The following NRG3 variants were observed in gnomAD, a reference collection of about 807,000 sequenced individuals.
NRG3 encodes the protein neuregulin 3, also known as pro-neuregulin-3, membrane-bound isoform.
NRG3 carries 31 observed loss-of-function variants against 66.9 expected under a neutral mutation model. That is an observed-to-expected ratio of 0.46 (90% confidence interval 0.35 to 0.63). The LOEUF is 0.63. NRG3 is among the 20% of genes least tolerant of loss of function. The pLI, the probability that NRG3 is intolerant of heterozygous loss-of-function variation, is 0.00. For synonymous variants in NRG3, 393 were observed against 359.4 expected (o/e 1.09, Z -1.06); for missense variants, 910 against 878.9 (o/e 1.04, Z -0.45).
intron 3 of NRG3, among the ~76,000 whole-genome samples, chr10:82,783,442 G>A (rs1334221659): frequency 6.6e-6 from 1 of 151,732 alleles, no homozygotes; most frequent in East Asian, 1.9e-4. Context: ...TGACATGATT[G>A]TATATCTAGA....
At chr10:82,640,063 C>T (rs2050462077) in intron 2 of NRG3, among the ~76,000 whole-genome samples, 1 of 152,110 alleles carries the variant, frequency 6.6e-6, no homozygotes, top group Non-Finnish European at 1.5e-5. Flanking sequence ...GGGATAATGG[C>T]CTCCAGTTCC....
chr10:81,897,518 C>T (rs557901534), intron 1 of NRG3, among the ~76,000 whole-genome samples: 1 of 151,742 alleles, frequency 6.6e-6, no homozygotes, highest in East Asian at 2.0e-4. Context: ...AATCAAGACT[C>T]CCTCCTAGGT....
intron 1 of NRG3, among the ~76,000 whole-genome samples, chr10:82,179,363 G>C (rs899457700): frequency 6.6e-6 from 1 of 151,936 alleles, no homozygotes; most frequent in African/African-American, 2.4e-5. Context: ...GTTTATTTTA[G>C]GAGTTTTACA....
chr10:82,617,351 C>T (rs996413434), intron 2 of NRG3, among the ~76,000 whole-genome samples: 1 of 151,760 alleles, frequency 6.6e-6, no homozygotes, highest in African/African-American at 2.4e-5. Context: ...CACACACACA[C>T]ACACCACACA....
At chr10:81,967,791 T>C (rs958150117) in intron 1 of NRG3, among the ~76,000 whole-genome samples, 61 of 152,200 alleles carry the variant, frequency 4.0e-4, no homozygotes, top group Admixed American at 3.9e-3. Context: ...CTTCATTTCC[T>C]ATTCTTTCTA....
intron 2 of NRG3, among the ~76,000 whole-genome samples, chr10:82,620,377 C>T (rs1484529782): frequency 6.6e-6 from 1 of 152,092 alleles, no homozygotes; most frequent in Admixed American, 6.5e-5. Context: ...TAATTTTATT[C>T]AGCGAAGGAA....
At chr10:82,883,946 T>G (rs1337164776) in intron 4 of NRG3, among the ~76,000 whole-genome samples, 9 of 151,994 alleles carry the variant, frequency 5.9e-5, no homozygotes, top group Non-Finnish European at 1.3e-4. Flanking sequence ...GCTATAGTTT[T>G]TTTTTTTTTC....
intron 1 of NRG3, among the ~76,000 whole-genome samples, chr10:81,943,829 A>AT (rs949564895): frequency 1.3e-5 from 2 of 152,056 alleles, no homozygotes; most frequent in African/African-American, 4.8e-5. Context: ...TCCACTGATG[A>AT]TTTTTTTCTT....
chr10:82,137,883 A>G (rs949742442), intron 1 of NRG3, among the ~76,000 whole-genome samples: 3 of 152,180 alleles, frequency 2.0e-5, no homozygotes, highest in African/African-American at 7.2e-5. Flanking sequence ...CTGAATGCTA[A>G]CATGCCCTTA....
chr10:82,221,193 AT>A (rs765844798), intron 1 of NRG3, among the ~76,000 whole-genome samples: 1 of 150,342 alleles, frequency 6.7e-6, no homozygotes, highest in Non-Finnish European at 1.5e-5. Context: ...GGAACTGAGG[AT>A]TTTTTTCTAG....
intron 1 of NRG3, among the ~76,000 whole-genome samples, chr10:82,026,703 G>T (rs562747127): frequency 2.6e-5 from 4 of 151,966 alleles, no homozygotes; most frequent in African/African-American, 4.8e-5. Context: ...TTGTTTGTTT[G>T]TCTGAAGGTT....
At chr10:82,941,919 C>A (rs962256010) in intron 4 of NRG3, among the ~76,000 whole-genome samples, 53 of 152,100 alleles carry the variant, frequency 3.5e-4, no homozygotes, top group African/African-American at 1.3e-3. Context: ...AGTGGCAACA[C>A]ATAGGATCTG....
intron 2 of NRG3, among the ~76,000 whole-genome samples, chr10:82,508,681 C>T (rs1481757431): frequency 2.0e-5 from 3 of 152,200 alleles, no homozygotes; most frequent in African/African-American, 7.2e-5. Context: ...GAATTCAAAG[C>T]ATAGACTTTA....
chr10:82,446,258 G>T (rs539715469), intron 2 of NRG3, among the ~76,000 whole-genome samples: 2 of 152,120 alleles, frequency 1.3e-5, no homozygotes, highest in Non-Finnish European at 2.9e-5. Context: ...TTAAACTCAC[G>T]CAGTATTGGC....
At chr10:82,385,782 G>A (rs1262561610) in intron 2 of NRG3, among the ~76,000 whole-genome samples, 1 of 152,100 alleles carries the variant, frequency 6.6e-6, no homozygotes, top group Non-Finnish European at 1.5e-5. Context: ...TTTATAAAAT[G>A]GGTTGTCCTG....
intron 4 of NRG3, among the ~76,000 whole-genome samples, chr10:82,937,158 C>T (rs1275904124): frequency 6.6e-6 from 1 of 152,082 alleles, no homozygotes; most frequent in African/African-American, 2.4e-5. Context: ...TTACATGTTA[C>T]CTCTCAAATT....
intron 2 of NRG3, among the ~76,000 whole-genome samples, chr10:82,556,824 G>GT (rs2044682688): frequency 6.6e-6 from 1 of 151,998 alleles, no homozygotes; most frequent in Admixed American, 6.6e-5. Flanking sequence ...CCCAGTGTCT[G>GT]TTTTTTCCTT....
At chr10:82,358,612 C>G (rs2135582067) in intron 1 of NRG3, 127 bp from the exon 2 acceptor site, 1 of 1,282,412 alleles carries the variant, frequency 7.8e-7, no homozygotes, top group Middle Eastern at 1.9e-4. Context: ...TTGGAGCTGT[C>G]TGTCTAGAGT....
intron 2 of NRG3, among the ~76,000 whole-genome samples, chr10:82,396,371 A>G (rs989628502): frequency 1.3e-5 from 2 of 152,246 alleles, no homozygotes; most frequent in African/African-American, 2.4e-5. Context: ...TAGTGCTCCT[A>G]TAATTTCATT....
Sources: gnomAD v4.1 joint callset for allele counts (sites outside exome capture counted in the v4.1 genomes callset) on GRCh38, gnomAD v4.1.1 for gene constraint, MANE v1.5 for transcripts, NCBI Gene and HGNC (gene_info 2026-07-23, HGNC 2026-07-21) for gene names.